The following GALNT13 variants were observed in gnomAD, a reference collection of about 807,000 sequenced individuals.
GALNT13 encodes UDP-GalNAc:polypeptide N-acetylgalactosaminyltransferase 13.
Under a neutral mutation model 64.2 loss-of-function variants are expected in GALNT13, and 28 were observed. That is an observed-to-expected ratio of 0.44 (90% confidence interval 0.32 to 0.60). The LOEUF (loss-of-function observed/expected upper bound fraction) is 0.60, where lower values mean the gene tolerates loss of function less well. Ranked by LOEUF, GALNT13 falls within the 20% of genes least tolerant of loss-of-function variation. The pLI, the probability that GALNT13 is intolerant of heterozygous loss-of-function variation, is 0.05. For synonymous variants in GALNT13, 214 were observed against 224.6 expected, an observed-to-expected ratio of 0.95 and a Z score of 0.42; for missense variants, 577 against 669.8, an observed-to-expected ratio of 0.86 and a Z score of 1.53.
Position 154,452,799 on chromosome 2 carries a change from T to A in GALNT13, c.*2248T>A, listed in dbSNP as rs1701920571. On this transcript the variant is annotated 3_prime_UTR_variant, in exon 13 of 13. Transcript: ENST00000392825. ...CAACACTAGAAAGCAATGACTAACA[T>A]TTAATTTGTTTACAAAAATGTTTAT... 6.6e-6 allele frequency: 1 copy of A among 152,184 alleles called. No individual in the cohort carries two copies. The highest frequency in any genetic ancestry group is 2.4e-5 in the African/African-American group (1 of 41,456). The allele number at this position is 152,184 out of a possible 1,614,324, so 9.4% of individuals were successfully genotyped here.
chr2:154,114,262 G>C (rs1218525659), intron 3 of GALNT13, among the ~76,000 whole-genome samples: 1 of 152,110 alleles, frequency 6.6e-6, no homozygotes, highest in African/African-American at 2.4e-5. Flanking sequence ...GGGCCAATGT[G>C]GGGGTTCTGC....
chr2:153,988,729 T>G (rs1312944041), intron 3 of GALNT13, among the ~76,000 whole-genome samples: 1 of 151,904 alleles, frequency 6.6e-6, no homozygotes, highest in Non-Finnish European at 1.5e-5. Flanking sequence ...TCTAAACCCT[T>G]GGTGAAAATT....
At chr2:154,411,281 A>T (rs1328995909) in intron 11 of GALNT13, among the ~76,000 whole-genome samples, 1 of 143,280 alleles carries the variant, frequency 7.0e-6, no homozygotes, top group East Asian at 2.1e-4. Flanking sequence ...TAAAAATTAA[A>T]ACCATTATTT....
At chr2:154,349,122 C>A (rs569461198) in intron 9 of GALNT13, among the ~76,000 whole-genome samples, 1 of 152,238 alleles carries the variant, frequency 6.6e-6, no homozygotes, top group East Asian at 1.9e-4. Flanking sequence ...AATGTCTCCA[C>A]AAATGTCCAC....
At chr2:153,760,585 T>C in the GALNT13 span, among the ~76,000 whole-genome samples, 2 of 152,118 alleles carry the variant, frequency 1.3e-5, no homozygotes, top group African/African-American at 4.8e-5. Context: ...TGCATACACT[T>C]GGATTAGAAA....
intron 2 of GALNT13, among the ~76,000 whole-genome samples, chr2:153,903,704 T>C (rs1325211995): frequency 2.1e-5 from 3 of 142,526 alleles, no homozygotes; most frequent in South Asian, 4.4e-4. Context: ...ATAAAAGTTA[T>C]GTTTATTAAA....
the GALNT13 span, among the ~76,000 whole-genome samples, chr2:153,257,706 G>A: frequency 4.6e-5 from 7 of 152,116 alleles, no homozygotes; most frequent in African/African-American, 7.2e-5. Flanking sequence ...GAAGCATATT[G>A]TTTTCCTTTG....
chr2:154,444,072 G>T (rs1257005700), intron 12 of GALNT13, among the ~76,000 whole-genome samples: 1 of 152,110 alleles, frequency 6.6e-6, no homozygotes, highest in Non-Finnish European at 1.5e-5. Context: ...GGATGTAGTG[G>T]CATGGGCCTG....
intron 9 of GALNT13, among the ~76,000 whole-genome samples, chr2:154,356,241 G>A (rs776913595): frequency 9.9e-5 from 15 of 151,736 alleles, no homozygotes; most frequent in Non-Finnish European, 1.9e-4. Flanking sequence ...GTTTTCCTTA[G>A]AACTCTTTTT....
the GALNT13 span, among the ~76,000 whole-genome samples, chr2:153,511,045 T>C: frequency 6.6e-6 from 1 of 151,882 alleles, no homozygotes; most frequent in African/African-American, 2.4e-5. Flanking sequence ...AAAGAATAAC[T>C]CTGTCCAGAC....
the GALNT13 span, among the ~76,000 whole-genome samples, chr2:153,213,386 G>T: frequency 6.6e-6 from 1 of 152,142 alleles, no homozygotes; most frequent in South Asian, 2.1e-4. Flanking sequence ...GGGGAGACTT[G>T]ATCTTTATTC....
the GALNT13 span, among the ~76,000 whole-genome samples, chr2:153,764,379 A>G: frequency 0.026 from 3,908 of 152,252 alleles, 182 homozygotes; most frequent in African/African-American, 0.088. Flanking sequence ...TCTAATAAAA[A>G]TACAAAATTA....
the GALNT13 span, among the ~76,000 whole-genome samples, chr2:153,294,270 A>G: frequency 1.3e-5 from 2 of 152,132 alleles, no homozygotes; most frequent in African/African-American, 2.4e-5. Context: ...GTCCTTCTCA[A>G]TACTCAGGTT....
intron 3 of GALNT13, among the ~76,000 whole-genome samples, chr2:153,963,182 T>C (rs1287685976): frequency 6.6e-6 from 1 of 152,184 alleles, no homozygotes; most frequent in East Asian, 1.9e-4. Context: ...TAAATCCTAT[T>C]AGTAGTGGCA....
At chr2:153,392,006 C>T in the GALNT13 span, among the ~76,000 whole-genome samples, 2 of 148,256 alleles carry the variant, frequency 1.3e-5, no homozygotes, top group Non-Finnish European at 3.0e-5. Context: ...TTAAATTCAT[C>T]ACATTAATTA....
At chr2:154,221,011 C>G (rs1688294929) in intron 4 of GALNT13, among the ~76,000 whole-genome samples, 1 of 151,962 alleles carries the variant, frequency 6.6e-6, no homozygotes, top group Admixed American at 6.6e-5. Context: ...ACATAGTGCA[C>G]TGGGGCTTAG....
chr2:153,507,273 C>A, the GALNT13 span, among the ~76,000 whole-genome samples: 2 of 151,626 alleles, frequency 1.3e-5, no homozygotes, highest in African/African-American at 2.4e-5. Context: ...TTCCTTCTTT[C>A]TTTCCTTCTT....
At chr2:153,650,567 C>T in the GALNT13 span, among the ~76,000 whole-genome samples, 4 of 152,168 alleles carry the variant, frequency 2.6e-5, no homozygotes, top group Admixed American at 2.0e-4. Flanking sequence ...CACTGATGGT[C>T]TTTACAATTT....
At chr2:154,222,112 T>C (rs1202116305) in intron 4 of GALNT13, among the ~76,000 whole-genome samples, 1 of 152,118 alleles carries the variant, frequency 6.6e-6, no homozygotes, top group South Asian at 2.1e-4. Flanking sequence ...TTACATACCA[T>C]TGTTCCATTT....
Sources: allele counts gnomAD v4.1 joint callset (sites outside exome capture counted in the v4.1 genomes callset), GRCh38; gene constraint gnomAD v4.1.1; transcripts MANE v1.5; gene names NCBI Gene and HGNC (gene_info 2026-07-23, HGNC 2026-07-21).